The following PDPN variants were observed in gnomAD, a reference collection of about 807,000 sequenced individuals.
PDPN encodes the protein PA2.26 antigen.
Under a neutral mutation model 23.2 loss-of-function variants are expected in PDPN, and 12 were observed. That is an observed-to-expected ratio of 0.52 (90% CI 0.33 to 0.84). The LOEUF (loss-of-function observed/expected upper bound fraction) is 0.84, where lower values mean the gene tolerates loss of function less well. PDPN is among the 40% of genes least tolerant of loss of function. The pLI, the probability that PDPN is intolerant of heterozygous loss-of-function variation, is 0.02. For synonymous variants in PDPN, 77 were observed against 76.7 expected (o/e 1.00, Z -0.02); for missense variants, 199 against 212.2 (o/e 0.94, Z 0.39).
At chr1:13,588,138 T>TAC (rs34227537) in intron 1 of PDPN, among the ~76,000 whole-genome samples, 4,601 of 150,620 alleles carry the variant, frequency 0.031, 95 homozygotes, top group South Asian at 0.056. Context: ...CAAACACACA[T>TAC]ACACACACAC....
chr1:13,596,104 T>A, intron 1 of PDPN: 1 of 309,802 alleles, frequency 3.2e-6, no homozygotes, highest in Non-Finnish European at 6.3e-6. Context: ...GAGGCTGAGA[T>A]GGGAGAATCG....
At chr1:13,596,764 G>C (rs940197040) in intron 1 of PDPN, among the ~76,000 whole-genome samples, 1 of 152,194 alleles carries the variant, frequency 6.6e-6, no homozygotes, top group African/African-American at 2.4e-5. Flanking sequence ...AACTCAAAAG[G>C]TACAGCTAAT....
intron 1 of PDPN, among the ~76,000 whole-genome samples, chr1:13,597,981 A>G (rs1467538901): frequency 6.6e-6 from 1 of 151,982 alleles, no homozygotes; most frequent in African/African-American, 2.4e-5. Flanking sequence ...TCTCAAAAAA[A>G]GGATTCTACT....
chr1:13,588,640 CTA>C (rs1364516820), intron 1 of PDPN, among the ~76,000 whole-genome samples: 2 of 146,412 alleles, frequency 1.4e-5, no homozygotes, highest in Non-Finnish European at 3.0e-5. Flanking sequence ...AAATATATAA[CTA>C]TATATTATAT....
intron 1 of PDPN, chr1:13,585,587 G>C (rs769044965): frequency 7.4e-7 from 1 of 1,352,016 alleles, no homozygotes; most frequent in South Asian, 1.1e-5. Flanking sequence ...CTTTGTTTTT[G>C]CCCAGGGAAG....
chr1:13,595,169 T>C (rs941176108), intron 1 of PDPN, among the ~76,000 whole-genome samples: 1 of 152,160 alleles, frequency 6.6e-6, no homozygotes, highest in Non-Finnish European at 1.5e-5. Context: ...TTCAGTTCTT[T>C]CCCTCTTAAA....
At chr1:13,603,835 C>A (rs1332021208) in intron 1 of PDPN, among the ~76,000 whole-genome samples, 1 of 152,176 alleles carries the variant, frequency 6.6e-6, no homozygotes, top group Non-Finnish European at 1.5e-5. Flanking sequence ...GATCCACCCA[C>A]CTCCACCTCC....
intron 1 of PDPN, among the ~76,000 whole-genome samples, chr1:13,606,550 C>G (rs1442947286): frequency 1.3e-5 from 2 of 152,010 alleles, no homozygotes; most frequent in Admixed American, 6.6e-5. Flanking sequence ...CACTTGTAGT[C>G]CCCGCTACTT....
chr1:13,607,301 A>G lies in PDPN; in HGVS notation c.196A>G (p.Thr66Ala). The change falls in exon 2 of 6, where the codon ACT becomes GCT. Residue 66 changes from threonine to alanine, a missense_variant. Physicochemically the swap from Thr to Ala is moderately conservative, Grantham distance 58. Transcript: ENST00000621990. Reference protein sequence around the residue: ...SEDRYKSGLTTLVATSVNSVT... With the variant: ...SEDRYKSGLTALVATSVNSVT... ...AGACCGCTATAAGTCTGGCTTGACA[A>G]CTCTGGTCAGTGTCCTGGGAAGAGA... The G allele has an allele frequency of 6.2e-7, 1 of 1,613,536 alleles. No individual in the cohort carries two copies. The highest frequency in any genetic ancestry group is 8.5e-7 in the Non-Finnish European group (1 of 1,179,776).
intron 1 of PDPN, among the ~76,000 whole-genome samples, chr1:13,604,428 A>G (rs1033148007): frequency 7.1e-6 from 1 of 141,776 alleles, no homozygotes; most frequent in Admixed American, 7.4e-5. Context: ...GACAAAAGAC[A>G]TGCATCTTAA....
Position 13,616,397 on chromosome 1 carries a change from G to A in PDPN, c.*486G>A, listed in dbSNP as rs1641075119. On this transcript the variant is annotated 3_prime_UTR_variant, in exon 6 of 6. Coordinates refer to ENST00000621990, the MANE Select transcript of PDPN (RefSeq NM_006474.5). ...GATCTGCTGAAATGTACACATTCTGGTCTAGTTTGGTCTATCTTTTAAAGC... is the reference window on the plus strand; with the variant it reads ...GATCTGCTGAAATGTACACATTCTGATCTAGTTTGGTCTATCTTTTAAAGC... 9.9e-6 allele frequency: 1 copy of A among 100,900 alleles called. No homozygotes were observed. The highest frequency in any genetic ancestry group is 2.5e-5 in the Non-Finnish European group (1 of 40,460). The allele number at this position is 100,900 out of a possible 1,614,324, so 6.3% of individuals were successfully genotyped here.
At chr1:13,606,959 C>T (rs1640803790) in intron 1 of PDPN, among the ~76,000 whole-genome samples, 1 of 152,168 alleles carries the variant, frequency 6.6e-6, no homozygotes, top group Non-Finnish European at 1.5e-5. Flanking sequence ...TTTTCCTTTG[C>T]TTTGCAACGG....
rs1422200058 is a variant in PDPN at position 13,616,072 on chromosome 1, G to T, written c.*161G>T. The T allele has an allele frequency of 3.0e-6, 2 of 670,178 alleles. No individual in the cohort carries two copies. Among genetic ancestry groups the T allele is most frequent in the African/African-American group, 3.6e-5 (2 of 55,152 alleles). The allele number at this position is 670,178 out of a possible 1,614,324, so 41.5% of individuals were successfully genotyped here. ...TCTCCGCTTGCCAAAATAACCGAAG[G>T]AAAGACCGTTCACCAGACTTGGCTC... On this transcript the variant is annotated 3_prime_UTR_variant, in exon 6 of 6. Transcript: ENST00000621990.
chr1:13,610,045 C>T (rs893514731), intron 2 of PDPN, among the ~76,000 whole-genome samples: 2 of 152,072 alleles, frequency 1.3e-5, no homozygotes, highest in African/African-American at 2.4e-5. Flanking sequence ...GCCTGGGCAA[C>T]AAGAGCGAAA....
At chr1:13,590,063 A>G (rs1287600200) in intron 1 of PDPN, among the ~76,000 whole-genome samples, 1 of 152,194 alleles carries the variant, frequency 6.6e-6, no homozygotes, top group African/African-American at 2.4e-5. Flanking sequence ...CCTGACCTCA[A>G]GTGATCCACC....
At chr1:13,605,865 C>T (rs1011513592) in intron 1 of PDPN, among the ~76,000 whole-genome samples, 2 of 152,142 alleles carry the variant, frequency 1.3e-5, no homozygotes, top group Non-Finnish European at 2.9e-5. Context: ...TTCTGATCCG[C>T]CCGCCTTGGC....
chr1:13,599,373 CTTTTTTTTTTTTTTT>C (rs70984267), intron 1 of PDPN, among the ~76,000 whole-genome samples: 2 of 77,084 alleles, frequency 2.6e-5, no homozygotes, highest in African/African-American at 1.2e-4. Flanking sequence ...GAGAAGCTAT[CTTTTTTTTTTTTTTT>C]TTTTTTTTTT....
chr1:13,615,449 C>T (rs1436363207), intron 5 of PDPN, among the ~76,000 whole-genome samples: 2 of 152,090 alleles, frequency 1.3e-5, no homozygotes, highest in East Asian at 3.9e-4. Context: ...CCACACCTGG[C>T]TAATTTTTTG....
Position 13,583,854 on chromosome 1 carries a change from C to T in PDPN, c.-180C>T. The T allele has an allele frequency of 1.3e-6, 2 of 1,586,180 alleles. No homozygotes were observed. Among genetic ancestry groups the T allele is most frequent in the Non-Finnish European group, 1.7e-6 (2 of 1,167,474 alleles). On this transcript the variant is annotated 5_prime_UTR_variant, in exon 1 of 6. Coordinates refer to ENST00000621990, the MANE Select transcript of PDPN (RefSeq NM_006474.5). ...CTCAACTGCAAAGTTTGCTGTCCGG[C>T]TGCCTAGGGTCTGGGAAGCTCGGGC...
Sources: allele counts gnomAD v4.1 joint callset (sites outside exome capture counted in the v4.1 genomes callset), GRCh38; gene constraint gnomAD v4.1.1; transcripts MANE v1.5; gene names NCBI Gene and HGNC (gene_info 2026-07-23, HGNC 2026-07-21).